Variants in TTC29 observed in about 807,000 individuals in gnomAD.
TTC29 encodes tetratricopeptide repeat domain 29.
A neutral mutation model predicts 58.1 loss-of-function variants in TTC29; 49 were observed. The ratio of observed to expected loss-of-function variants is 0.84; its 90% CI spans 0.67 to 1.07. The LOEUF is 1.07. TTC29 is among the 50% of genes least tolerant of loss of function. The probability of loss-of-function intolerance (pLI) is 0.00; values close to 1 mark genes in which losing one functional copy is unlikely to be tolerated. For missense variants in TTC29, 582 were observed against 555.6 expected, an observed-to-expected ratio of 1.05 and a Z score of -0.48; for synonymous variants, 209 against 196.8, an observed-to-expected ratio of 1.06 and a Z score of -0.52.
chr4:146,930,106 T>TATATAC (rs1271303146), intron 4 of TTC29, among the ~76,000 whole-genome samples: 1 of 128,358 alleles, frequency 7.8e-6, no homozygotes, highest in African/African-American at 3.3e-5. Context: ...TATATATATA[T>TATATAC]ATATATATAT....
chr4:146,877,017 C>T (rs915244020), intron 6 of TTC29, among the ~76,000 whole-genome samples: 7 of 150,678 alleles, frequency 4.6e-5, no homozygotes, highest in South Asian at 2.1e-4. Flanking sequence ...GACATGTCAG[C>T]GAAGATACAT....
chr4:146,731,577 A>G (rs1362368219), intron 11 of TTC29, among the ~76,000 whole-genome samples: 1 of 152,176 alleles, frequency 6.6e-6, no homozygotes, highest in Non-Finnish European at 1.5e-5. Context: ...CACAGAGTTT[A>G]AGCTGCTAAA....
intron 11 of TTC29, among the ~76,000 whole-genome samples, chr4:146,727,178 G>A (rs1304573552): frequency 6.6e-6 from 1 of 151,816 alleles, no homozygotes; most frequent in Non-Finnish European, 1.5e-5. Context: ...ATATATATTA[G>A]ATATCATTCT....
intron 4 of TTC29, among the ~76,000 whole-genome samples, chr4:146,917,844 C>G (rs1479953938): frequency 3.3e-5 from 5 of 149,258 alleles, no homozygotes; most frequent in Non-Finnish European, 6.0e-5. Flanking sequence ...CTAAAAATTT[C>G]TTAGAATTGC....
chr4:146,720,563 T>C (rs1743280811), intron 11 of TTC29, among the ~76,000 whole-genome samples: 2 of 152,126 alleles, frequency 1.3e-5, no homozygotes, highest in Non-Finnish European at 2.9e-5. Flanking sequence ...AGCCAAGATA[T>C]GACATGGAAA....
At chr4:146,939,998 T>C in intron 2 of TTC29, 97 bp from the exon 3 acceptor site, 2 of 1,200,972 alleles carry the variant, frequency 1.7e-6, no homozygotes, top group Non-Finnish European at 1.2e-6. Context: ...GTCATCTTAG[T>C]TGAGAATGCC....
chr4:146,911,895 T>C (rs1733921935), intron 4 of TTC29, among the ~76,000 whole-genome samples: 1 of 152,168 alleles, frequency 6.6e-6, no homozygotes, highest in Non-Finnish European at 1.5e-5. Flanking sequence ...CCCTGCCTGC[T>C]CTTGGGCATG....
chr4:146,820,691 A>G (rs1489651344), intron 9 of TTC29, among the ~76,000 whole-genome samples: 3 of 152,212 alleles, frequency 2.0e-5, no homozygotes, highest in African/African-American at 7.2e-5. Flanking sequence ...TGAATGGGTA[A>G]ACAAAATGTG....
chr4:146,885,810 C>T (rs867229795), intron 6 of TTC29, among the ~76,000 whole-genome samples: 2 of 152,072 alleles, frequency 1.3e-5, no homozygotes, highest in East Asian at 3.9e-4. Context: ...TGATTCACAT[C>T]ATCATGAGCA....
At chr4:146,831,281 A>G (rs1177102669) in intron 9 of TTC29, among the ~76,000 whole-genome samples, 1 of 152,164 alleles carries the variant, frequency 6.6e-6, no homozygotes, top group Non-Finnish European at 1.5e-5. Flanking sequence ...AATTAAAAAA[A>G]ATAGATAGGT....
chr4:146,792,358 T>G (rs1057200228), intron 11 of TTC29, among the ~76,000 whole-genome samples: 1 of 152,196 alleles, frequency 6.6e-6, no homozygotes, highest in African/African-American at 2.4e-5. Flanking sequence ...GCTCTATAAA[T>G]GGAACAACAA....
intron 11 of TTC29, among the ~76,000 whole-genome samples, chr4:146,753,835 A>G (rs1579596999): frequency 6.6e-6 from 1 of 151,884 alleles, no homozygotes; most frequent in Admixed American, 6.6e-5. Context: ...GTTTTCACTC[A>G]TAGGTGGGAA....
At chr4:146,828,971 T>C (rs1727985548) in intron 9 of TTC29, among the ~76,000 whole-genome samples, 1 of 152,166 alleles carries the variant, frequency 6.6e-6, no homozygotes, top group African/African-American at 2.4e-5. Flanking sequence ...AAACACCAAA[T>C]ATTTTCTTAC....
chr4:146,841,584 T>C (rs534535080), intron 8 of TTC29, among the ~76,000 whole-genome samples: 71 of 152,242 alleles, frequency 4.7e-4, no homozygotes, highest in African/African-American at 1.7e-3. Flanking sequence ...TTTCTTATTT[T>C]TTTTCCTCTG....
At chr4:146,939,110 T>G (rs1412898904) in intron 3 of TTC29, among the ~76,000 whole-genome samples, 2 of 152,086 alleles carry the variant, frequency 1.3e-5, no homozygotes, top group African/African-American at 4.8e-5. Flanking sequence ...GGCTCTACCC[T>G]CCTTCTTCCA....
intron 11 of TTC29, among the ~76,000 whole-genome samples, chr4:146,720,179 T>C (rs1743254011): frequency 6.6e-6 from 1 of 152,196 alleles, no homozygotes; most frequent in Admixed American, 6.5e-5. Context: ...GAAATCAATA[T>C]AGATCTGTTC....
chr4:146,909,090 C>T lies in TTC29; in HGVS notation c.336G>A (p.Glu112=). ...SLFWLQKPLE[E]QPDKLDYLYH... Reference sequence around the variant, plus strand: ...ACAGGTAATCCAGTTTATCAGGCTGCTCCTCCAGGGGCTTCTGCAGCCAGA... The same window carrying T: ...ACAGGTAATCCAGTTTATCAGGCTGTTCCTCCAGGGGCTTCTGCAGCCAGA... Residue 112 remains glutamate (E), a synonymous_variant, in exon 5 of 13, where the codon GAG becomes GAA. Coordinates refer to ENST00000325106, the MANE Select transcript of TTC29 (RefSeq NM_031956.4). The T allele has an allele frequency of 6.2e-7, 1 of 1,613,926 alleles. No individual in the cohort carries two copies. Among genetic ancestry groups the T allele is most frequent in the Non-Finnish European group, 8.5e-7 (1 of 1,179,860 alleles).
chr4:146,811,765 A>G (rs28460560), intron 10 of TTC29, among the ~76,000 whole-genome samples: 7,000 of 152,316 alleles, frequency 0.046, 233 homozygotes, highest in East Asian at 0.14. Context: ...AACTGACTGA[A>G]TAAAGAAATT....
Position 146,800,421 on chromosome 4 carries a change from T to C in TTC29, c.1330+3036A>G, listed in dbSNP as rs569045501. On this transcript the variant is annotated intron_variant, in intron 11 of 12. Coordinates refer to ENST00000325106, the MANE Select transcript of TTC29 (RefSeq NM_031956.4). The stretch of plus-strand genomic sequence containing the variant: ...GCTTTTAAAATGTATCTTTCAGATC[T>C]TTGATCTGTTTTTTTTCTGAATACA... Among the ~76,000 whole-genome samples, 64 of 152,350 alleles carry C rather than the reference T, an allele frequency of 4.2e-4. 2 individuals carry two copies. The South Asian group carries it at 0.012, about 30-fold the overall frequency.
Sources: gnomAD v4.1 joint callset for allele counts (sites outside exome capture counted in the v4.1 genomes callset) on GRCh38, gnomAD v4.1.1 for gene constraint, MANE v1.5 for transcripts, NCBI Gene and HGNC (gene_info 2026-07-23, HGNC 2026-07-21) for gene names.